KRTAP4-5: variants seen among roughly 807,000 people sequenced by gnomAD.
KRTAP4-5 encodes the protein keratin associated protein 4-5.
For synonymous variants in KRTAP4-5, 73 were observed against 83.6 expected, an observed-to-expected ratio of 0.87 and a Z score of 0.69; for missense variants, 199 against 233.7, an observed-to-expected ratio of 0.85 and a Z score of 0.97.
rs2014798704 is a variant in KRTAP4-5, at chr17:41,149,127, G to A, written c.*95C>T. 14 of 1,479,898 alleles carry A rather than the reference G, an allele frequency of 9.5e-6. No homozygotes were observed. The highest frequency in any genetic ancestry group is 2.3e-5 in the Admixed American group (1 of 43,326). The allele number at this position is 1,479,898 out of a possible 1,614,324, so 91.7% of individuals were successfully genotyped here. A position where few individuals can be genotyped will look rare whatever the true frequency, so the allele number is the denominator to read the frequency against. ...GAATGCCACATGAGACAAACTGGCA[G>A]GGAAGTGTTCATTTTTCCAGTGACT... On this transcript the variant is annotated 3_prime_UTR_variant, in exon 1 of 1. Coordinates refer to ENST00000343246, the MANE Select transcript of KRTAP4-5 (RefSeq NM_033188.4).
At position 41,149,141 on chromosome 17, in the gene KRTAP4-5, T is replaced by C. The variant is rs1450371207; in HGVS notation, c.*81A>G. ...ACAAACTGGCAGGGAAGTGTTCATT[T>C]TTCCAGTGACTGGCTGGCTACAGTG... On this transcript the variant is annotated 3_prime_UTR_variant, in exon 1 of 1. Coordinates refer to ENST00000343246, the MANE Select transcript of KRTAP4-5 (RefSeq NM_033188.4). 2 of 1,486,472 alleles carry C rather than the reference T, an allele frequency of 1.3e-6. No individual in the cohort carries two copies. The highest frequency in any genetic ancestry group is 2.8e-5 in the African/African-American group (2 of 71,538). The allele number at this position is 1,486,472 out of a possible 1,614,324, so 92.1% of individuals were successfully genotyped here. A position where few individuals can be genotyped will look rare whatever the true frequency, so the allele number is the denominator to read the frequency against.
chr17:41,149,344 G>A lies in KRTAP4-5; in HGVS notation c.424C>T (p.Arg142Cys), dbSNP rs766086049. 1.1e-5 allele frequency: 18 copies of A among 1,612,964 alleles called. No homozygotes were observed. The highest frequency in any genetic ancestry group is 4.0e-5 in the African/African-American group (3 of 74,862). ...ACTGGACGCACGCAGCAGCAGGGGC[G>A]GCAGCAGCTGGATTCACAGCAAGAG... ...HPSCCESSCCRPCCCVRPVCG... is the reference protein window; with the variant it reads ...HPSCCESSCCCPCCCVRPVCG... The change falls in exon 1 of 1, where the codon CGC becomes TGC. Residue 142 changes from arginine (R) to cysteine (C), a missense_variant. By Grantham distance (180) the Arg-to-Cys change is radical. Coordinates refer to ENST00000343246, the MANE Select transcript of KRTAP4-5 (RefSeq NM_033188.4).
chr17:41,149,812 G>T lies in KRTAP4-5; in HGVS notation c.-45C>A, dbSNP rs768904891. The T allele has an allele frequency of 2.6e-6, 4 of 1,561,300 alleles. No homozygotes were observed. Among genetic ancestry groups the T allele is most frequent in the Non-Finnish European group, 3.5e-6 (4 of 1,153,668 alleles). On this transcript the variant is annotated 5_prime_UTR_variant, in exon 1 of 1. Transcript: ENST00000343246. ...TCTGGGTGGATTTCTAGAAGAATGA[G>T]GTTCTCAAGTTTGGAAGTGTCCTTG...
rs568816221 is a variant in KRTAP4-5, at chr17:41,149,231, A to G, written c.537T>C (p.Ser179=). 6.2e-7 allele frequency: 1 copy of G among 1,602,430 alleles called. No individual in the cohort carries two copies. The highest frequency in any genetic ancestry group is 1.3e-5 in the African/African-American group (1 of 74,912). The change falls in exon 1 of 1, where the codon TCT becomes TCC. Residue 179 remains serine, a synonymous_variant. Transcript: ENST00000343246. ...ATATCACAAGGAGACATTAGCAGCA[A>G]GAGGAGGCACAGCACAAGGGGCGGG... ...TCPRPLCCAS[S]CC
chr17:41,149,777 G>C lies in KRTAP4-5; in HGVS notation c.-10C>G. ...AACAGGAGCTGACCATGGTGTCAGA[G>C]GGTGGAGGTTCTGGGTGGATTTCTA... On this transcript the variant is annotated 5_prime_UTR_variant, in exon 1 of 1. Coordinates refer to ENST00000343246, the MANE Select transcript of KRTAP4-5 (RefSeq NM_033188.4). The C allele has an allele frequency of 6.3e-7, 1 of 1,596,540 alleles. No individual in the cohort carries two copies. The highest frequency in any genetic ancestry group is 8.5e-7 in the Non-Finnish European group (1 of 1,170,198).
rs2014815264 is a variant in KRTAP4-5, at chr17:41,149,736, G to C, written c.32C>G (p.Ser11Cys). 5.6e-6 allele frequency: 9 copies of C among 1,612,468 alleles called. No individual in the cohort carries two copies. The highest frequency in any genetic ancestry group is 7.6e-6 in the Non-Finnish European group (9 of 1,179,064). ...GTTCTCCAGGCCACAGCTCTGCTCA[G>C]AGCTGACAGAGCCACAACAGGAGCT... is the stretch of plus-strand genomic sequence containing the variant. MVSSCCGSVS[S>C]EQSCGLENCC... Residue 11 changes from serine (S) to cysteine (C), a missense_variant, in exon 1 of 1, where the codon TCT (serine) becomes TGT (cysteine). Transcript: ENST00000343246.
In KRTAP4-5 at chr17:41,149,329, C is replaced by T. The variant is rs142746393; in HGVS notation, c.439G>A (p.Val147Met). ...ESSCCRPCCCVRPVCGRVSCH... is the reference protein window; with the variant it reads ...ESSCCRPCCCMRPVCGRVSCH... ...GAGACTCGGCCACAGACTGGACGCA[C>T]GCAGCAGCAGGGGCGGCAGCAGCTG... Residue 147 changes from valine (V) to methionine (M), a missense_variant, in exon 1 of 1, where the codon GTG becomes ATG. Transcript: ENST00000343246. 1,063 of 1,612,040 alleles carry T rather than the reference C, an allele frequency of 6.6e-4. No individual in the cohort carries two copies. Among genetic ancestry groups the T allele is most frequent in the Non-Finnish European group, 8.5e-4 (999 of 1,179,030 alleles).
In KRTAP4-5 at chr17:41,149,203, C is replaced by A. The variant is rs1368408620; in HGVS notation, c.*19G>T. 3 of 1,573,242 alleles carry A rather than the reference C, an allele frequency of 1.9e-6. No individual in the cohort carries two copies. Among genetic ancestry groups the A allele is most frequent in the Admixed American group, 1.9e-5 (1 of 53,796 alleles). On this transcript the variant is annotated 3_prime_UTR_variant, in exon 1 of 1. Transcript: ENST00000343246. ...ACTAATGAAGACATTCATAGTATGA[C>A]AAATATCACAAGGAGACATTAGCAG... is the stretch of plus-strand genomic sequence containing the variant.
Position 41,149,485 on chromosome 17 carries a change from A to T in KRTAP4-5, c.283T>A (p.Cys95Ser). The T allele has an allele frequency of 6.6e-7, 1 of 1,519,594 alleles. No homozygotes were observed. Among genetic ancestry groups the T allele is most frequent in the South Asian group, 1.3e-5 (1 of 78,794 alleles). 94.1% of individuals were successfully genotyped at this position (1,519,594 alleles called of 1,614,324 possible). ...GACACACAGCAGCTGGGGCAGCAGC[A>T]GGTGGTCCTGCAGCAGGTGGTCCTG... ...CCRTTCCRTT[C>S]CCPSCCVSSC... is the part of the protein sequence containing the mutation. Residue 95 changes from cysteine to serine, a missense_variant, in exon 1 of 1, where the codon TGC becomes AGC. Coordinates refer to ENST00000343246, the MANE Select transcript of KRTAP4-5 (RefSeq NM_033188.4).
Position 41,149,310 on chromosome 17 carries a change from C to T in KRTAP4-5, c.458G>A (p.Arg153Gln), listed in dbSNP as rs540437836. 11 of 1,610,082 alleles carry T rather than the reference C, an allele frequency of 6.8e-6. No individual in the cohort carries two copies. Among genetic ancestry groups the T allele is most frequent in the African/African-American group, 6.7e-5 (5 of 74,972 alleles). Residue 153 changes from arginine (R) to glutamine (Q), a missense_variant, in exon 1 of 1, where the codon CGA becomes CAA. Transcript: ENST00000343246. The part of the protein sequence containing the change: ...PCCCVRPVCG[R>Q]VSCHTTCYRP... ...ATAGCAAGTGGTGTGGCAGGAGACT[C>T]GGCCACAGACTGGACGCACGCAGCA...
In KRTAP4-5 at chr17:41,149,059, T is replaced by G; in HGVS notation, c.*163A>C. The G allele has an allele frequency of 8.0e-7, 1 of 1,252,448 alleles. No individual in the cohort carries two copies. Among genetic ancestry groups the G allele is most frequent in the Non-Finnish European group, 1.1e-6 (1 of 919,066 alleles). 77.6% of individuals were successfully genotyped at this position (1,252,448 alleles called of 1,614,324 possible). On this transcript the variant is annotated 3_prime_UTR_variant, in exon 1 of 1. Coordinates refer to ENST00000343246, the MANE Select transcript of KRTAP4-5 (RefSeq NM_033188.4). ...GCCTGGCATAACATATTTTAATGAA[T>G]GTGATTGTCTGTCATTTCCTAGAAG...
In KRTAP4-5 at chr17:41,148,986, G is replaced by T; in HGVS notation, c.*236C>A. 1.4e-6 allele frequency: 1 copy of T among 714,780 alleles called. No homozygotes were observed. The highest frequency in any genetic ancestry group is 2.3e-6 in the Non-Finnish European group (1 of 432,842). 44.3% of individuals were successfully genotyped at this position (714,780 alleles called of 1,614,324 possible). ...ATTATATGAGATCATCACAGTTAGT[G>T]TCCCCTTCGAATGAAGACACTGCTC... is the stretch of plus-strand genomic sequence containing the variant. On this transcript the variant is annotated 3_prime_UTR_variant, in exon 1 of 1. Transcript: ENST00000343246.
At position 41,149,499 on chromosome 17, in the gene KRTAP4-5, C is replaced by T. The variant is rs1375312101; in HGVS notation, c.269G>A (p.Cys90Tyr). 13 of 1,519,518 alleles carry T rather than the reference C, an allele frequency of 8.6e-6. No individual in the cohort carries two copies. The African/African-American group carries it at 1.7e-4, about 20-fold the overall frequency. 94.1% of individuals were successfully genotyped at this position (1,519,518 alleles called of 1,614,324 possible). Residue 90 changes from cysteine (C) to tyrosine (Y), a missense_variant, in exon 1 of 1, where the codon TGC becomes TAC. Coordinates refer to ENST00000343246, the MANE Select transcript of KRTAP4-5 (RefSeq NM_033188.4). ...CCQTTCCRTTCCRTTCCCPSC... is the reference protein window; with the variant it reads ...CCQTTCCRTTYCRTTCCCPSC... ...GGGGCAGCAGCAGGTGGTCCTGCAG[C>T]AGGTGGTCCTGCAGCAGGTGGTCTG...
At position 41,149,025 on chromosome 17, in the gene KRTAP4-5, T is replaced by C. The variant is rs1013293089; in HGVS notation, c.*197A>G. On this transcript the variant is annotated 3_prime_UTR_variant, in exon 1 of 1. Transcript: ENST00000343246. ...AAGACACTGCTCATCTAAAAATAAC[T>C]GCATTGGGGCCTGGCATAACATATT... 21 of 983,006 alleles carry C rather than the reference T, an allele frequency of 2.1e-5. No individual in the cohort carries two copies. Among genetic ancestry groups the C allele is most frequent in the Non-Finnish European group, 3.1e-5 (21 of 675,344 alleles). 60.9% of individuals were successfully genotyped at this position (983,006 alleles called of 1,614,324 possible). A position where few individuals can be genotyped will look rare whatever the true frequency, so the allele number is the denominator to read the frequency against.
rs238830 is a variant in KRTAP4-5 at position 41,149,568 on chromosome 17, C to G, written c.200G>C (p.Arg67Pro). ...GCAGCTGGATTCACAGCAATAGGGGCGGCAGCAGCTGGAGATGCAGCAGCT... is the reference window on the plus strand; with the variant it reads ...GCAGCTGGATTCACAGCAATAGGGGGGGCAGCAGCTGGAGATGCAGCAGCT... Reference protein sequence around the residue: ...HPSCCISSCCRPYCCESSCCR... With the variant: ...HPSCCISSCCPPYCCESSCCR... The change falls in exon 1 of 1, where the codon CGC becomes CCC. Residue 67 changes from arginine (R) to proline (P), a missense_variant. By Grantham distance (103) the Arg-to-Pro change is moderately radical. Coordinates refer to ENST00000343246, the MANE Select transcript of KRTAP4-5 (RefSeq NM_033188.4). 1 of 1,460,622 alleles carries G rather than the reference C, an allele frequency of 6.8e-7. No homozygotes were observed. The highest frequency in any genetic ancestry group is 9.1e-7 in the Non-Finnish European group (1 of 1,101,368). 90.5% of individuals were successfully genotyped at this position (1,460,622 alleles called of 1,614,324 possible).
chr17:41,149,395 A>C lies in KRTAP4-5; in HGVS notation c.373T>G (p.Cys125Gly). 10 of 1,613,056 alleles carry C rather than the reference A, an allele frequency of 6.2e-6. No homozygotes were observed. The highest frequency in any genetic ancestry group is 8.5e-6 in the Non-Finnish European group (10 of 1,179,406). ...GGGTGGCAGCAGCTGGAGATGCAGC[A>C]GCTGGGACGGCAGCAAGTGGGCTGG... ...CCQPTCCRPS[C>G]CISSCCHPSC... Residue 125 changes from cysteine to glycine, a missense_variant, in exon 1 of 1, where the codon TGC (cysteine) becomes GGC (glycine). By Grantham distance (159) the Cys-to-Gly change is radical. Coordinates refer to ENST00000343246, the MANE Select transcript of KRTAP4-5 (RefSeq NM_033188.4).
Position 41,149,454 on chromosome 17 carries a change from C to A in KRTAP4-5, c.314G>T (p.Cys105Phe). The change falls in exon 1 of 1, where the codon TGC (cysteine) becomes TTC (phenylalanine). Residue 105 changes from cysteine (C) to phenylalanine (F), a missense_variant. Physicochemically the swap from Cys to Phe is radical, Grantham distance 205 (BLOSUM62 -2). Transcript: ENST00000343246. Reference sequence around the variant, plus strand: ...AGACTGGCAGCACTGGGGTCTGCAGCAGCTGGACACACAGCAGCTGGGGCA... The same window carrying A: ...AGACTGGCAGCACTGGGGTCTGCAGAAGCTGGACACACAGCAGCTGGGGCA... Reference protein sequence around the residue: ...CCCPSCCVSSCCRPQCCQSVC... With the variant: ...CCCPSCCVSSFCRPQCCQSVC... 1 of 1,612,970 alleles carries A rather than the reference C, an allele frequency of 6.2e-7. No individual in the cohort carries two copies. Among genetic ancestry groups the A allele is most frequent in the Non-Finnish European group, 8.5e-7 (1 of 1,179,788 alleles).
Position 41,149,370 on chromosome 17 carries a change from G to C in KRTAP4-5, c.398C>G (p.Pro133Arg). The change falls in exon 1 of 1, where the codon CCC becomes CGC. Residue 133 changes from proline to arginine, a missense_variant. Pro to Arg is a moderately radical substitution (Grantham distance 103). Coordinates refer to ENST00000343246, the MANE Select transcript of KRTAP4-5 (RefSeq NM_033188.4). ...PSCCISSCCHPSCCESSCCRP... is the reference protein window; with the variant it reads ...PSCCISSCCHRSCCESSCCRP... The stretch of plus-strand genomic sequence containing the variant: ...GCAGCAGCTGGATTCACAGCAAGAG[G>C]GGTGGCAGCAGCTGGAGATGCAGCA... 6.2e-7 allele frequency: 1 copy of C among 1,613,838 alleles called. No individual in the cohort carries two copies. Among genetic ancestry groups the C allele is most frequent in the Non-Finnish European group, 8.5e-7 (1 of 1,179,938 alleles).
At position 41,149,416 on chromosome 17, in the gene KRTAP4-5, G is replaced by C; in HGVS notation, c.352C>G (p.Pro118Ala). 1 of 1,613,112 alleles carries C rather than the reference G, an allele frequency of 6.2e-7. No homozygotes were observed. The highest frequency in any genetic ancestry group is 8.5e-7 in the Non-Finnish European group (1 of 1,179,548). ...CAGCAGCTGGGACGGCAGCAAGTGG[G>C]CTGGCAGCACACAGACTGGCAGCAC... is the stretch of plus-strand genomic sequence containing the variant. ...PQCCQSVCCQ[P>A]TCCRPSCCIS... The change falls in exon 1 of 1, where the codon CCC becomes GCC. Residue 118 changes from proline (P) to alanine (A), a missense_variant. Physicochemically the swap from Pro to Ala is conservative, Grantham distance 27. Transcript: ENST00000343246.
Sources: allele counts gnomAD v4.1 joint callset, GRCh38; gene constraint gnomAD v4.1.1; transcripts MANE v1.5; gene names NCBI Gene and HGNC (gene_info 2026-07-23, HGNC 2026-07-21).